CEP170: variants seen among roughly 807,000 people sequenced by gnomAD.
CEP170 encodes the protein centrosomal protein of 170 kDa.
A neutral mutation model predicts 151.9 loss-of-function variants in CEP170; 21 were observed. The observed-to-expected ratio is 0.14, with a 90% CI of 0.10 to 0.20. The LOEUF (loss-of-function observed/expected upper bound fraction) is 0.20. Among genes scored for constraint, CEP170 ranks in the 10% least tolerant of loss-of-function variants. CEP170 has a pLI of 1.00. For synonymous variants in CEP170, 356 were observed against 648.8 expected (o/e 0.55, Z 6.86); for missense variants, 964 against 1,892.9 (o/e 0.51, Z 9.11).
chr1:243,222,623 C>T (rs1162450997), intron 2 of CEP170, among the ~76,000 whole-genome samples: 1 of 152,174 alleles, frequency 6.6e-6, no homozygotes, highest in Non-Finnish European at 1.5e-5. Context: ...CCCTGGTATA[C>T]TAAAAGCAAA....
chr1:243,237,286 A>G (rs1486725323), intron 1 of CEP170, among the ~76,000 whole-genome samples: 2 of 152,186 alleles, frequency 1.3e-5, no homozygotes, highest in Non-Finnish European at 2.9e-5. Context: ...TTCCTGTCCA[A>G]TACATTAGCC....
chr1:243,230,753 T>C (rs1285011147), intron 1 of CEP170, among the ~76,000 whole-genome samples: 1 of 152,148 alleles, frequency 6.6e-6, no homozygotes, highest in Non-Finnish European at 1.5e-5. Context: ...GAACAGAGCC[T>C]GAGGCACCAG....
chr1:243,219,075 C>G (rs928927434), intron 3 of CEP170, among the ~76,000 whole-genome samples: 13 of 152,152 alleles, frequency 8.5e-5, no homozygotes, highest in African/African-American at 2.9e-4. Context: ...AGACTTTTGA[C>G]ATTTTTTGGC....
chr1:243,137,306 A>ACTAT (rs1246382886), intron 16 of CEP170, among the ~76,000 whole-genome samples: 2 of 152,238 alleles, frequency 1.3e-5, no homozygotes, highest in Non-Finnish European at 2.9e-5. Context: ...TATTGTCAGT[A>ACTAT]CTATATCCAG....
intron 10 of CEP170, among the ~76,000 whole-genome samples, chr1:243,173,409 A>G (rs2058999193): frequency 6.6e-6 from 1 of 151,248 alleles, no homozygotes; most frequent in Admixed American, 6.6e-5. Context: ...TGTTCGATTA[A>G]AAAAAAATAT....
intron 13 of CEP170, among the ~76,000 whole-genome samples, chr1:243,157,298 T>A (rs1240305998): frequency 6.6e-6 from 1 of 152,166 alleles, no homozygotes; most frequent in Non-Finnish European, 1.5e-5. Flanking sequence ...CTCACACATT[T>A]AAAAAATCAG....
At position 243,136,343 on chromosome 1, in the gene CEP170, T is replaced by A. The variant is rs565111368; in HGVS notation, c.4231-112A>T. ...GTTAGGGGCAGTTAGTATTTATGCTTATTTTAATTATAAACCAGTGAAGAA... is the reference window on the plus strand; with the variant it reads ...GTTAGGGGCAGTTAGTATTTATGCTAATTTTAATTATAAACCAGTGAAGAA... On this transcript the variant is annotated intron_variant, in intron 16 of 19. Coordinates refer to ENST00000366542, the MANE Select transcript of CEP170 (RefSeq NM_014812.3). 1.9e-3 allele frequency: 1,781 copies of A among 914,698 alleles called. 2 individuals are homozygous for A. The highest frequency in any genetic ancestry group is 2.6e-3 in the Non-Finnish European group (1,594 of 616,798). 56.7% of individuals were successfully genotyped at this position (914,698 alleles called of 1,614,324 possible). A position where few individuals can be genotyped will look rare whatever the true frequency, so the allele number is the denominator to read the frequency against.
At chr1:243,174,848 T>C (rs926154018) in intron 10 of CEP170, among the ~76,000 whole-genome samples, 17 of 152,310 alleles carry the variant, frequency 1.1e-4, no homozygotes, top group African/African-American at 4.1e-4. Context: ...CCCCCACTTG[T>C]AAAGAAAGCA....
intron 11 of CEP170, among the ~76,000 whole-genome samples, chr1:243,170,564 C>A (rs1323516301): frequency 6.6e-6 from 1 of 151,994 alleles, no homozygotes; most frequent in Non-Finnish European, 1.5e-5. Context: ...GAGACCAAGG[C>A]GGGTGGATCA....
chr1:243,233,676 T>C (rs1031324483), intron 1 of CEP170, among the ~76,000 whole-genome samples: 12 of 144,498 alleles, frequency 8.3e-5, no homozygotes, highest in Admixed American at 3.6e-4. Context: ...GAGCTTACAG[T>C]GAGCCAAGAT....
intron 14 of CEP170, 23 bp from the exon 15 acceptor site, chr1:243,142,486 A>C (rs1249867166): frequency 5.2e-6 from 8 of 1,548,968 alleles, no homozygotes; most frequent in African/African-American, 1.4e-5. Flanking sequence ...TTAGAAAAGA[A>C]GTTTAATCCC....
At chr1:243,180,027 G>A (rs766918549) in intron 10 of CEP170, among the ~76,000 whole-genome samples, 7 of 152,124 alleles carry the variant, frequency 4.6e-5, no homozygotes, top group Non-Finnish European at 8.8e-5. Flanking sequence ...GATGGATGGC[G>A]GTGATGGTTG....
chr1:243,126,419 G>C lies in CEP170; in HGVS notation c.*30C>G. 6.3e-7 allele frequency: 1 copy of C among 1,582,052 alleles called. No individual in the cohort carries two copies. The highest frequency in any genetic ancestry group is 8.6e-7 in the Non-Finnish European group (1 of 1,161,182). Reference sequence around the variant, plus strand: ...TTCCAATATTCCTAGCCATTCCACAGGTAATGATTTTTCAACAATCAAGAG... The same window carrying C: ...TTCCAATATTCCTAGCCATTCCACACGTAATGATTTTTCAACAATCAAGAG... On this transcript the variant is annotated 3_prime_UTR_variant, in exon 20 of 20. Coordinates refer to ENST00000366542, the MANE Select transcript of CEP170 (RefSeq NM_014812.3).
intron 3 of CEP170, among the ~76,000 whole-genome samples, chr1:243,221,086 G>A (rs1169605751): frequency 6.6e-5 from 10 of 151,948 alleles, no homozygotes; most frequent in Admixed American, 6.6e-4. Context: ...GTGCAGTGGC[G>A]CTGTCTCGGC....
intron 3 of CEP170, 170 bp downstream of exon 3, chr1:243,221,554 G>A: frequency 3.3e-6 from 2 of 602,930 alleles, no homozygotes; most frequent in South Asian, 5.1e-5. Context: ...ATATGGGCTA[G>A]TTTCATATTC....
At chr1:243,237,519 A>T (rs2149102423) in intron 1 of CEP170, among the ~76,000 whole-genome samples, 1 of 152,352 alleles carries the variant, frequency 6.6e-6, no homozygotes, top group South Asian at 2.1e-4. Flanking sequence ...AACATGCAGA[A>T]TAGCTGATAA....
intron 15 of CEP170, among the ~76,000 whole-genome samples, chr1:243,141,030 T>A (rs1572193637): frequency 6.6e-6 from 1 of 152,190 alleles, no homozygotes. Flanking sequence ...TGATGAAGTA[T>A]CATTTATTAA....
chr1:243,146,419 C>T (rs1455613664), intron 14 of CEP170, among the ~76,000 whole-genome samples: 1 of 152,072 alleles, frequency 6.6e-6, no homozygotes, highest in Non-Finnish European at 1.5e-5. Flanking sequence ...TAATGAAGAG[C>T]CATATTATTT....
intron 1 of CEP170, among the ~76,000 whole-genome samples, chr1:243,230,900 C>T (rs575293323): frequency 6.6e-6 from 1 of 152,120 alleles, no homozygotes; most frequent in South Asian, 2.1e-4. Flanking sequence ...CAATAAACTA[C>T]CAGCAGATAA....
Sources: allele counts gnomAD v4.1 joint callset (sites outside exome capture counted in the v4.1 genomes callset), GRCh38; gene constraint gnomAD v4.1.1; transcripts MANE v1.5; gene names NCBI Gene and HGNC (gene_info 2026-07-23, HGNC 2026-07-21).